The following NALF1 variants were observed in gnomAD, a reference collection of about 807,000 sequenced individuals.
The protein encoded by NALF1 is family with sequence similarity 155 member A.
Under a neutral mutation model 48.4 loss-of-function variants are expected in NALF1, and 3 were observed. The ratio of observed to expected loss-of-function variants is 0.06; its 90% CI spans 0.03 to 0.16. The LOEUF (loss-of-function observed/expected upper bound fraction) is 0.16. Among genes scored for constraint, NALF1 ranks in the 10% least tolerant of loss-of-function variants. The pLI, the probability that NALF1 is intolerant of heterozygous loss-of-function variation, is 1.00. For missense variants in NALF1, 526 were observed against 571.5 expected (o/e 0.92, Z 0.81); for synonymous variants, 262 against 245.7 (o/e 1.07, Z -0.62).
At chr13:107,774,566 TCTTAC>T (rs950025950) in intron 1 of NALF1, among the ~76,000 whole-genome samples, 32 of 152,328 alleles carry the variant, frequency 2.1e-4, no homozygotes, top group Admixed American at 2.0e-3. Flanking sequence ...TAAATACATT[TCTTAC>T]CTAACACCAG....
chr13:107,564,173 T>C (rs1314887734), intron 1 of NALF1, among the ~76,000 whole-genome samples: 2 of 152,248 alleles, frequency 1.3e-5, no homozygotes, highest in African/African-American at 4.8e-5. Flanking sequence ...AGGCTTTCTC[T>C]ATTTCTGCAA....
chr13:107,409,875 A>T (rs1413160272), intron 1 of NALF1, among the ~76,000 whole-genome samples: 3 of 152,182 alleles, frequency 2.0e-5, no homozygotes, highest in African/African-American at 7.2e-5. Context: ...TCTCTTGAGT[A>T]CTACTGCCTC....
In NALF1 at chr13:107,503,237, C is replaced by A. The variant is rs540697086; in HGVS notation, c.916-292482G>T. Reference sequence around the variant, plus strand: ...GACAGAAATGTTAAGACAAAATAGACCAACATTTTAACGGGCCCTTCAGTA... The same window carrying A: ...GACAGAAATGTTAAGACAAAATAGAACAACATTTTAACGGGCCCTTCAGTA... On this transcript the variant is annotated intron_variant, in intron 1 of 2. Transcript: ENST00000375915. Among the ~76,000 whole-genome samples, 29 of 152,172 alleles carry A rather than the reference C, an allele frequency of 1.9e-4. No homozygotes were observed. The South Asian group carries it at 3.1e-3, about 16-fold the overall frequency.
intron 2 of NALF1, among the ~76,000 whole-genome samples, chr13:107,203,621 C>T (rs1039965097): frequency 1.3e-5 from 2 of 152,140 alleles, no homozygotes; most frequent in East Asian, 3.9e-4. Context: ...CGTGGTGCCC[C>T]CTGACATCGT....
At chr13:107,807,985 A>G (rs994601295) in intron 1 of NALF1, among the ~76,000 whole-genome samples, 18 of 152,168 alleles carry the variant, frequency 1.2e-4, no homozygotes, top group African/African-American at 4.3e-4. Context: ...AGGCATTGCA[A>G]TGGGAATATA....
intron 1 of NALF1, among the ~76,000 whole-genome samples, chr13:107,374,940 C>T (rs1256554074): frequency 2.0e-5 from 3 of 152,130 alleles, no homozygotes; most frequent in South Asian, 2.1e-4. Context: ...TTATAAATTA[C>T]CCAGTCTGTG....
intron 1 of NALF1, among the ~76,000 whole-genome samples, chr13:107,492,913 G>T (rs1408025): frequency 0.72 from 110,100 of 152,042 alleles, 40,323 homozygotes; most frequent in Middle Eastern, 0.83. Flanking sequence ...GACTTCACAG[G>T]GATATTAATA....
At position 107,231,452 on chromosome 13, in the gene NALF1, C is replaced by G. The variant is rs189365471; in HGVS notation, c.916-20697G>C. ...ACTGGTATATTTCCCCCAACCCGTG[C>G]TGTGAATAATTGTAACTATTTGAAG... On this transcript the variant is annotated intron_variant, in intron 1 of 2. Transcript: ENST00000375915. 1.3e-5 allele frequency among the ~76,000 whole-genome samples: 2 copies of G among 152,272 alleles called. 1 individual carries two copies. Among genetic ancestry groups the G allele is most frequent in the South Asian group, 4.1e-4 (2 of 4,830 alleles).
At chr13:107,575,808 A>G (rs543593334) in intron 1 of NALF1, among the ~76,000 whole-genome samples, 23 of 152,276 alleles carry the variant, frequency 1.5e-4, no homozygotes, top group African/African-American at 5.5e-4. Context: ...CATCTGTAAC[A>G]TAAGCCTTGG....
chr13:107,857,030 C>T (rs898114395), intron 1 of NALF1, among the ~76,000 whole-genome samples: 1 of 152,204 alleles, frequency 6.6e-6, no homozygotes, highest in African/African-American at 2.4e-5. Context: ...AGTAAGACTT[C>T]CTTCCACAGG....
chr13:107,353,524 C>G (rs1882910765), intron 1 of NALF1, among the ~76,000 whole-genome samples: 1 of 152,192 alleles, frequency 6.6e-6, no homozygotes, highest in Non-Finnish European at 1.5e-5. Flanking sequence ...CACCAACAAT[C>G]TCTTTTTAGA....
In NALF1 at chr13:107,867,271, T is replaced by TCCCCC. The variant is rs1269887337; in HGVS notation, c.-680_-676dup. Among the ~76,000 whole-genome samples, 1 of 41,832 alleles carries TCCCCC rather than the reference T, an allele frequency of 2.4e-5. No homozygotes were observed. The highest frequency in any genetic ancestry group is 9.2e-5 in the African/African-American group (1 of 10,866). The allele number at this position is 41,832 out of a possible 152,430, so 27.4% of individuals were successfully genotyped here. ...GGGCTGCCTCCGGCGGGGCGCTCCC[T>TCCCCC]CCCCCCCACCCCCCACCCCGCGCTC... On this transcript the variant is annotated 5_prime_UTR_variant, in exon 1 of 3. Coordinates refer to ENST00000375915, the MANE Select transcript of NALF1 (RefSeq NM_001080396.3). This position sits in a 1 kb window ranked among gnomAD's most constrained non-coding sequence, Gnocchi z 4.4.
chr13:107,416,378 T>C (rs1884089344), intron 1 of NALF1, among the ~76,000 whole-genome samples: 1 of 151,936 alleles, frequency 6.6e-6, no homozygotes, highest in Admixed American at 6.6e-5. Context: ...TGTCCTCTTC[T>C]ACCTCTTCCC....
chr13:107,719,908 A>G (rs1167414364), intron 1 of NALF1, among the ~76,000 whole-genome samples: 1 of 152,026 alleles, frequency 6.6e-6, no homozygotes, highest in Non-Finnish European at 1.5e-5. Context: ...CCTGAAGACA[A>G]TGTCAATCAT....
At chr13:107,828,627 AC>A (rs1879605252) in intron 1 of NALF1, among the ~76,000 whole-genome samples, 1 of 151,376 alleles carries the variant, frequency 6.6e-6, no homozygotes, top group Non-Finnish European at 1.5e-5. Flanking sequence ...ACACACACAC[AC>A]ACACACACAC....
At chr13:107,647,266 A>T (rs1028706142) in intron 1 of NALF1, among the ~76,000 whole-genome samples, 2 of 152,196 alleles carry the variant, frequency 1.3e-5, no homozygotes, top group East Asian at 1.9e-4. Flanking sequence ...CAAGAACATG[A>T]ATAAATCCTG....
chr13:107,500,238 C>T (rs1462649080), intron 1 of NALF1, among the ~76,000 whole-genome samples: 3 of 152,102 alleles, frequency 2.0e-5, no homozygotes, highest in African/African-American at 7.2e-5. Flanking sequence ...TGTGCTGCTA[C>T]AACAGAATAC....
intron 1 of NALF1, among the ~76,000 whole-genome samples, chr13:107,521,942 TACACACAC>T (rs371749390): frequency 4.2e-4 from 61 of 146,340 alleles, no homozygotes; most frequent in African/African-American, 1.5e-3. Flanking sequence ...CACACACACA[TACACACAC>T]ACACACACAC....
intron 1 of NALF1, among the ~76,000 whole-genome samples, chr13:107,262,957 C>T (rs570025928): frequency 2.6e-5 from 4 of 152,130 alleles, no homozygotes; most frequent in African/African-American, 9.6e-5. Context: ...AGACTCGTTG[C>T]GTGTATAGGA....
Sources: allele counts gnomAD v4.1 joint callset (sites outside exome capture counted in the v4.1 genomes callset), GRCh38; gene constraint gnomAD v4.1.1; non-coding constraint Gnocchi (gnomAD v3.1); transcripts MANE v1.5; gene names NCBI Gene and HGNC (gene_info 2026-07-23, HGNC 2026-07-21).